GRM7: variants seen among roughly 807,000 people sequenced by gnomAD.
GRM7 encodes the protein glutamate metabotropic receptor 7.
A neutral mutation model predicts 84.5 loss-of-function variants in GRM7; 35 were observed. The ratio of observed to expected loss-of-function variants is 0.41; its 90% CI spans 0.32 to 0.55. GRM7 has a LOEUF of 0.55. GRM7 is among the 20% of genes least tolerant of loss of function. GRM7 has a pLI of 0.19. For missense variants in GRM7, 1,003 were observed against 1,194.6 expected (o/e 0.84, Z 2.36); for synonymous variants, 487 against 455.1 (o/e 1.07, Z -0.89).
chr3:7,041,104 T>A (rs1426185040), intron 1 of GRM7, among the ~76,000 whole-genome samples: 1 of 150,376 alleles, frequency 6.6e-6, no homozygotes, highest in Non-Finnish European at 1.5e-5. Flanking sequence ...AAAAAAATTA[T>A]GTGGTGATTG....
intron 2 of GRM7, among the ~76,000 whole-genome samples, chr3:7,214,508 C>T (rs1410481697): frequency 6.6e-6 from 1 of 152,194 alleles, no homozygotes; most frequent in Non-Finnish European, 1.5e-5. Context: ...TTCTACTTTT[C>T]TTTATATCTC....
intron 4 of GRM7, among the ~76,000 whole-genome samples, chr3:7,353,277 C>T (rs548010670): frequency 6.6e-6 from 1 of 151,970 alleles, no homozygotes; most frequent in East Asian, 1.9e-4. Context: ...CTAATTTATA[C>T]AGGTAGAAAT....
chr3:7,544,774 C>T (rs904636509), intron 7 of GRM7, among the ~76,000 whole-genome samples: 8 of 152,222 alleles, frequency 5.3e-5, no homozygotes, highest in African/African-American at 1.9e-4. Context: ...ATTTTTGACA[C>T]TTTTTTCTCT....
intron 8 of GRM7, among the ~76,000 whole-genome samples, chr3:7,581,401 C>A (rs568404135): frequency 6.6e-6 from 1 of 152,104 alleles, no homozygotes; most frequent in Non-Finnish European, 1.5e-5. Flanking sequence ...TGAAGTTTTA[C>A]GTGGTTGATT....
At chr3:6,952,398 C>T (rs753188559) in intron 1 of GRM7, among the ~76,000 whole-genome samples, 1 of 152,148 alleles carries the variant, frequency 6.6e-6, no homozygotes, top group Non-Finnish European at 1.5e-5. Flanking sequence ...CTGCTAAATG[C>T]TTGAGGGAGA....
chr3:7,678,957 T>C (rs1700248912), intron 8 of GRM7, among the ~76,000 whole-genome samples: 1 of 150,232 alleles, frequency 6.7e-6, no homozygotes, highest in Admixed American at 6.7e-5. Flanking sequence ...TTGCAGACAA[T>C]AATAATGTCC....
chr3:7,552,767 C>T (rs1693548267), intron 7 of GRM7, among the ~76,000 whole-genome samples: 1 of 152,160 alleles, frequency 6.6e-6, no homozygotes. Context: ...GGGGCCTAGC[C>T]CAGAAAACCA....
At chr3:7,269,959 C>A (rs1286017731) in intron 2 of GRM7, among the ~76,000 whole-genome samples, 1 of 152,138 alleles carries the variant, frequency 6.6e-6, no homozygotes, top group African/African-American at 2.4e-5. Flanking sequence ...AATTCCTACA[C>A]GTCCTTTAGA....
chr3:7,648,855 G>A (rs11924025), intron 8 of GRM7, among the ~76,000 whole-genome samples: 31,742 of 152,028 alleles, frequency 0.21, 3,524 homozygotes, highest in Admixed American at 0.25. Flanking sequence ...ACGTTGTGGC[G>A]TTCCTTTTGA....
chr3:7,727,197 T>G (rs541525876), intron 9 of GRM7, among the ~76,000 whole-genome samples: 1 of 152,246 alleles, frequency 6.6e-6, no homozygotes, highest in South Asian at 2.1e-4. Context: ...AAATGCCCCA[T>G]CAAAAGAATG....
chr3:7,119,292 C>T (rs1693142044), intron 1 of GRM7, among the ~76,000 whole-genome samples: 1 of 151,926 alleles, frequency 6.6e-6, no homozygotes, highest in South Asian at 2.1e-4. Context: ...CCTCCCTGGG[C>T]CCTTTCAAAA....
chr3:7,229,886 A>C (rs1482623997), intron 2 of GRM7, among the ~76,000 whole-genome samples: 11 of 112,374 alleles, frequency 9.8e-5, no homozygotes, highest in Admixed American at 3.3e-4. Flanking sequence ...GTTGCCCAGG[A>C]TGGAGTGCAG....
intron 1 of GRM7, among the ~76,000 whole-genome samples, chr3:6,891,963 C>T (rs561597363): frequency 6.6e-6 from 1 of 152,272 alleles, no homozygotes; most frequent in East Asian, 1.9e-4. Context: ...AACTTCCCTT[C>T]TCGCTTCATT....
intron 4 of GRM7, chr3:7,403,198 G>A (rs553480713): frequency 4.5e-6 from 2 of 443,404 alleles, no homozygotes; most frequent in East Asian, 1.4e-4. Context: ...GCCATTTGCT[G>A]AATTGATTAA....
At chr3:7,589,379 G>A (rs551106538) in intron 8 of GRM7, among the ~76,000 whole-genome samples, 42 of 152,266 alleles carry the variant, frequency 2.8e-4, no homozygotes, top group African/African-American at 1.0e-3. Context: ...TTACTGAGTG[G>A]ACTGCATAGG....
chr3:6,861,263 C>T lies in GRM7; in HGVS notation c.-126C>T. On this transcript the variant is annotated 5_prime_UTR_variant, in exon 1 of 10. Coordinates refer to ENST00000357716, the MANE Select transcript of GRM7 (RefSeq NM_000844.4). The surrounding 1 kb of genome is among the most constrained non-coding windows in gnomAD (Gnocchi z 6.4). ...CTGGTCGCCCCTCCCCGGATTCCCC[C>T]ACCCTCCGTGCCTGCAGGAGCCCCT... is the stretch of plus-strand genomic sequence containing the variant. 2 of 779,658 alleles carry T rather than the reference C, an allele frequency of 2.6e-6. No individual in the cohort carries two copies. The highest frequency in any genetic ancestry group is 3.4e-5 in the East Asian group (1 of 29,818). 48.3% of individuals were successfully genotyped at this position (779,658 alleles called of 1,614,324 possible).
At chr3:7,057,971 T>C (rs1048860746) in intron 1 of GRM7, among the ~76,000 whole-genome samples, 3 of 152,004 alleles carry the variant, frequency 2.0e-5, no homozygotes. Context: ...TTTTCGGTTC[T>C]TAGGCATTCA....
chr3:7,372,831 G>A (rs540130807), intron 4 of GRM7, among the ~76,000 whole-genome samples: 1 of 151,988 alleles, frequency 6.6e-6, no homozygotes, highest in Non-Finnish European at 1.5e-5. Context: ...GAGAAAGGGG[G>A]TAAGGAAAGA....
chr3:7,373,948 A>C (rs997793084), intron 4 of GRM7, among the ~76,000 whole-genome samples: 2 of 152,148 alleles, frequency 1.3e-5, no homozygotes, highest in African/African-American at 4.8e-5. Flanking sequence ...ACCGTCTGTG[A>C]CTAGTGGCTA....
Sources: allele counts gnomAD v4.1 joint callset (sites outside exome capture counted in the v4.1 genomes callset), GRCh38; gene constraint gnomAD v4.1.1; non-coding constraint Gnocchi (gnomAD v3.1); transcripts MANE v1.5; gene names NCBI Gene and HGNC (gene_info 2026-07-23, HGNC 2026-07-21).